Variants in LGI3 observed in about 807,000 individuals in gnomAD.
The protein encoded by LGI3 is leucine rich repeat LGI family member 3, also known as leucine-rich repeat LGI family member 3.
In LGI3, 47 loss-of-function variants were observed where a neutral mutation model predicts 55.4. The ratio of observed to expected loss-of-function variants is 0.85; its 90% CI spans 0.67 to 1.08. LGI3 has a LOEUF of 1.08. LGI3 is among the 50% of genes least tolerant of loss of function. The pLI is 0.00. For synonymous variants in LGI3, 326 were observed against 315.0 expected, an observed-to-expected ratio of 1.04 and a Z score of -0.37; for missense variants, 664 against 726.3, an observed-to-expected ratio of 0.91 and a Z score of 0.99.
In LGI3 at chr8:22,154,231, T is replaced by C. The variant is rs1340476344; in HGVS notation, c.351-18A>G. 2 of 1,609,050 alleles carry C rather than the reference T, an allele frequency of 1.2e-6. No individual in the cohort carries two copies. Among genetic ancestry groups the C allele is most frequent in the African/African-American group, 2.7e-5 (2 of 74,780 alleles). On this transcript the variant is annotated intron_variant, in intron 3 of 7. Coordinates refer to ENST00000306317, the MANE Select transcript of LGI3 (RefSeq NM_139278.4). ...CAATGAAGCTGGGGAAAGCGGGAAC[T>C]TGCCTCAGTGCTCACACAGGATGCC...
intron 1 of LGI3, among the ~76,000 whole-genome samples, chr8:22,156,046 A>AC (rs1406437144): frequency 1.3e-5 from 2 of 151,126 alleles, no homozygotes; most frequent in South Asian, 2.1e-4. Context: ...CGTGTAAGCA[A>AC]CCCCCCCAAG....
In LGI3 at chr8:22,148,565, C is replaced by G. The variant is rs1827336937; in HGVS notation, c.1242G>C (p.Gln414His). Residue 414 changes from glutamine to histidine, a missense_variant, in exon 8 of 8, where the codon CAG becomes CAC. By Grantham distance (24) the Gln-to-His change is conservative. Transcript: ENST00000306317. The surrounding 1 kb of genome is among the most constrained non-coding windows in gnomAD (Gnocchi z 7.0). ...WSRTQKQFVAQGEVTQVPDAQ... is the reference protein window; with the variant it reads ...WSRTQKQFVAHGEVTQVPDAQ... ...CATCAGGCACCTGGGTCACCTCACC[C>G]TGGGCCACAAACTGCTTCTGGGTGC... 6.2e-7 allele frequency: 1 copy of G among 1,613,828 alleles called. No individual in the cohort carries two copies. Among genetic ancestry groups the G allele is most frequent in the African/African-American group, 1.3e-5 (1 of 74,914 alleles).
chr8:22,156,089 C>A (rs1430954891), intron 1 of LGI3, among the ~76,000 whole-genome samples: 1 of 152,220 alleles, frequency 6.6e-6, no homozygotes, highest in African/African-American at 2.4e-5. Context: ...GTCTCACTGT[C>A]GCTCGTGGTG....
At chr8:22,151,444 C>A (rs368805655) in intron 7 of LGI3, 45 bp downstream of exon 7, 11 of 1,590,558 alleles carry the variant, frequency 6.9e-6, no homozygotes, top group Admixed American at 1.7e-5. Flanking sequence ...CCCACTCCCC[C>A]CTCCCCCTAG....
chr8:22,153,161 T>A (rs983565590), intron 5 of LGI3, among the ~76,000 whole-genome samples: 1 of 150,654 alleles, frequency 6.6e-6, no homozygotes, highest in Non-Finnish European at 1.5e-5. Context: ...CTTGGCTTAC[T>A]GCAACCTCTG....
chr8:22,147,952 G>A lies in LGI3; in HGVS notation c.*208C>T. 2 of 560,682 alleles carry A rather than the reference G, an allele frequency of 3.6e-6. No homozygotes were observed. Among genetic ancestry groups the A allele is most frequent in the Non-Finnish European group, 3.1e-6 (1 of 318,652 alleles). 34.7% of individuals were successfully genotyped at this position (560,682 alleles called of 1,614,324 possible). On this transcript the variant is annotated 3_prime_UTR_variant, in exon 8 of 8. Coordinates refer to ENST00000306317, the MANE Select transcript of LGI3 (RefSeq NM_139278.4). Reference sequence around the variant, plus strand: ...GAACTGGGCGTTAGGTGTCCCAGGGGTGCCTGGTGTTCATGCTGATTGCAG... The same window carrying A: ...GAACTGGGCGTTAGGTGTCCCAGGGATGCCTGGTGTTCATGCTGATTGCAG...
Position 22,148,280 on chromosome 8 carries a change from A to G in LGI3, c.1527T>C (p.Ala509=), listed in dbSNP as rs1482360297. 1.2e-6 allele frequency: 2 copies of G among 1,614,032 alleles called. No individual in the cohort carries two copies. Among genetic ancestry groups the G allele is most frequent in the African/African-American group, 2.7e-5 (2 of 74,922 alleles). Reference sequence around the variant, plus strand: ...AGCAGAAGGCCCGAGGAGCCTGCACAGCCAGCTCCTGGAACCGTACAAACT... The same window carrying G: ...AGCAGAAGGCCCGAGGAGCCTGCACGGCCAGCTCCTGGAACCGTACAAACT... ...RQKFVRFQEL[A]VQAPRAFCYM... Residue 509 remains alanine (A), a synonymous_variant, in exon 8 of 8, where the codon GCT becomes GCC. Coordinates refer to ENST00000306317, the MANE Select transcript of LGI3 (RefSeq NM_139278.4). The surrounding 1 kb of genome is among the most constrained non-coding windows in gnomAD (Gnocchi z 7.0).
In LGI3 at chr8:22,154,281, C is replaced by T. The variant is rs564628169; in HGVS notation, c.351-68G>A. ...CAGACCCCCAGCAGCACTCGCCCTA[C>T]GCCCCAGCCTAGATTTCAGCCCGTG... On this transcript the variant is annotated intron_variant, in intron 3 of 7. Transcript: ENST00000306317. The T allele has an allele frequency of 5.4e-5, 70 of 1,293,358 alleles. No homozygotes were observed. The Middle Eastern group carries it at 5.7e-4, about 11-fold the overall frequency. The allele number at this position is 1,293,358 out of a possible 1,614,324, so 80.1% of individuals were successfully genotyped here.
intron 2 of LGI3, 167 bp downstream of exon 2, chr8:22,155,225 A>C: frequency 1.5e-6 from 1 of 680,046 alleles, no homozygotes; most frequent in Non-Finnish European, 2.6e-6. Context: ...CCCTGACTCA[A>C]GGCTGCCCCG....
chr8:22,153,243 C>A (rs930492344), intron 5 of LGI3, among the ~76,000 whole-genome samples: 3 of 151,302 alleles, frequency 2.0e-5, no homozygotes, highest in Admixed American at 2.0e-4. Context: ...CGCCACCACA[C>A]CCAGATAATT....
chr8:22,155,184 A>T (rs957394073), intron 2 of LGI3: 12 of 589,794 alleles, frequency 2.0e-5, no homozygotes, highest in African/African-American at 5.6e-5. Context: ...TCTCTGTGCC[A>T]TCCCTAGCTG....
At chr8:22,154,308 C>A in intron 3 of LGI3, 95 bp from the exon 4 acceptor site, 1 of 1,074,826 alleles carries the variant, frequency 9.3e-7, no homozygotes. Context: ...CAGCCCGTGT[C>A]CCCGAGACAG....
intron 1 of LGI3, 26 bp from the exon 2 acceptor site, chr8:22,155,489 G>T: frequency 6.2e-7 from 1 of 1,604,588 alleles, no homozygotes. Context: ...AGTCAGTACT[G>T]TGGGGTCTGC....
chr8:22,155,382 C>T lies in LGI3; in HGVS notation c.278+10G>A. 6.2e-7 allele frequency: 1 copy of T among 1,613,490 alleles called. No homozygotes were observed. The highest frequency in any genetic ancestry group is 1.1e-5 in the South Asian group (1 of 91,048). On this transcript the variant is annotated intron_variant, in intron 2 of 7. Coordinates refer to ENST00000306317, the MANE Select transcript of LGI3 (RefSeq NM_139278.4). ...GTTCCCCCAACCCTTCCACAAGGCC[C>T]TATCCATACAAGAACTGCAGCAGCG...
chr8:22,153,976 C>T lies in LGI3; in HGVS notation c.486G>A (p.Leu162=), dbSNP rs143382116. 5.5e-5 allele frequency: 88 copies of T among 1,614,028 alleles called. 1 individual carries two copies. Among genetic ancestry groups the T allele is most frequent in the Admixed American group, 4.2e-4 (25 of 60,030 alleles). Residue 162 remains leucine, a synonymous_variant, in exon 5 of 8, where the codon CTG becomes CTA. Coordinates refer to ENST00000306317, the MANE Select transcript of LGI3 (RefSeq NM_139278.4). The stretch of plus-strand genomic sequence containing the variant: ...CAGGACTCAGGCCTTACAAGTCATT[C>T]AGGATGTCCAGGGGCCGGAAGATGT... ...PRDIFRPLDI[L]NDLDLRGNSL...
In LGI3 at chr8:22,155,406, C is replaced by T. The variant is rs763342146; in HGVS notation, c.264G>A (p.Pro88=). The T allele has an allele frequency of 1.5e-5, 24 of 1,613,736 alleles. No homozygotes were observed. The highest frequency in any genetic ancestry group is 1.6e-4 in the Middle Eastern group (1 of 6,080). ...CCTATCCATACAAGAACTGCAGCAG[C>T]GGGAGGTGGGAGAACGCTCCATCCT... ...EIQDGAFSHL[P]LLQFLLLNSN... is the part of the protein sequence containing the mutation. The change falls in exon 2 of 8, where the codon CCG becomes CCA. Residue 88 remains proline, a synonymous_variant. Transcript: ENST00000306317.
At chr8:22,155,296 G>T (rs1586410590) in intron 2 of LGI3, 96 bp downstream of exon 2, 1 of 1,130,882 alleles carries the variant, frequency 8.8e-7, no homozygotes, top group African/African-American at 1.5e-5. Flanking sequence ...GTCTGCAGAG[G>T]CTGCCTCTGT....
intron 6 of LGI3, 41 bp from the exon 7 acceptor site, chr8:22,151,694 A>G (rs1277654667): frequency 1.2e-6 from 2 of 1,603,644 alleles, no homozygotes; most frequent in African/African-American, 2.7e-5. Context: ...CAGAGGGAGA[A>G]GGGAAGGGCT....
In LGI3 at chr8:22,148,827, C is replaced by A; in HGVS notation, c.980G>T (p.Arg327Leu). Residue 327 changes from arginine to leucine, a missense_variant, in exon 8 of 8, where the codon CGC becomes CTC. Transcript: ENST00000306317. The surrounding 1 kb of genome is among the most constrained non-coding windows in gnomAD (Gnocchi z 7.0). ...GAAGGCTTCTAGGTCGTTAGGCTTG[C>A]GCACGCGCTGCGGGTCAATGTCTTG... ...RLQDIDPQRV[R>L]KPNDLEAFRI... 3 of 1,614,176 alleles carry A rather than the reference C, an allele frequency of 1.9e-6. No homozygotes were observed. Among genetic ancestry groups the A allele is most frequent in the South Asian group, 2.2e-5 (2 of 91,084 alleles).
Sources: allele counts gnomAD v4.1 joint callset (sites outside exome capture counted in the v4.1 genomes callset), GRCh38; gene constraint gnomAD v4.1.1; non-coding constraint Gnocchi (gnomAD v3.1); transcripts MANE v1.5; gene names NCBI Gene and HGNC (gene_info 2026-07-23, HGNC 2026-07-21).